ENOSF1: variants seen among roughly 807,000 people sequenced by gnomAD.
The protein encoded by ENOSF1 is enolase superfamily member 1.
A neutral mutation model predicts 68.2 loss-of-function variants in ENOSF1; 73 were observed. That is an observed-to-expected ratio of 1.07 (90% confidence interval 0.89 to 1.30). The LOEUF is 1.30. Among genes scored for constraint, ENOSF1 ranks in the 50% most tolerant of loss-of-function variants. The pLI is 0.00. For missense variants in ENOSF1, 589 were observed against 554.5 expected (o/e 1.06, Z -0.62); for synonymous variants, 223 against 210.4 (o/e 1.06, Z -0.52).
At chr18:669,997 A>C (rs1370923806), downstream of ENOSF1, among the ~76,000 whole-genome samples, 1 of 151,492 alleles carries the variant, frequency 6.6e-6, no homozygotes, top group African/African-American at 2.4e-5. Context: ...CTCTATCAGG[A>C]TATCATAAGT....
chr18:676,490 G>C (rs2847173), intron 14 of ENOSF1, among the ~76,000 whole-genome samples: 35,998 of 152,060 alleles, frequency 0.24, 4,541 homozygotes, highest in Admixed American at 0.27. Flanking sequence ...TTGGCCATAA[G>C]AAGTGCTTGT....
intron 14 of ENOSF1, among the ~76,000 whole-genome samples, chr18:676,578 G>C (rs996092709): frequency 2.0e-5 from 3 of 152,200 alleles, no homozygotes; most frequent in African/African-American, 4.8e-5. Context: ...GCAGCCTGCA[G>C]AACTGTAAGC....
chr18:675,995 G>A (rs1198300919), intron 14 of ENOSF1, among the ~76,000 whole-genome samples: 1 of 152,072 alleles, frequency 6.6e-6, no homozygotes, highest in Non-Finnish European at 1.5e-5. Flanking sequence ...CAAGAACCAA[G>A]ACATCTAAGG....
chr18:699,223 A>G (rs2078063658), intron 2 of ENOSF1, among the ~76,000 whole-genome samples: 1 of 152,078 alleles, frequency 6.6e-6, no homozygotes, highest in Admixed American at 6.6e-5. Flanking sequence ...GCACTTTGGG[A>G]GGCTGAGGTG....
intron 2 of ENOSF1, among the ~76,000 whole-genome samples, chr18:702,005 T>C (rs1389910581): frequency 1.3e-4 from 20 of 151,924 alleles, no homozygotes; most frequent in Non-Finnish European, 1.5e-4. Flanking sequence ...AGCTTATGCC[T>C]GCAATCCCGT....
chr18:702,147 C>T (rs528889487), intron 2 of ENOSF1, among the ~76,000 whole-genome samples: 1 of 151,558 alleles, frequency 6.6e-6, no homozygotes, highest in Admixed American at 6.6e-5. Flanking sequence ...ACCTATAGTC[C>T]CAGCTACCTG....
intron 11 of ENOSF1, among the ~76,000 whole-genome samples, chr18:679,877 A>G (rs537938863): frequency 3.5e-4 from 54 of 152,318 alleles, no homozygotes; most frequent in African/African-American, 1.2e-3. Context: ...AATCACACTG[A>G]CAGCTAACAT....
rs766176336 is a variant in ENOSF1 at position 691,059 on chromosome 18, A to G, written c.535+9T>C. Reference sequence around the variant, plus strand: ...CAAAAACAATGAAGAAAATTTTCTTACAACCCACCTCTTTCTTTTTTACCA... The same window carrying G: ...CAAAAACAATGAAGAAAATTTTCTTGCAACCCACCTCTTTCTTTTTTACCA... On this transcript the variant is annotated intron_variant, in intron 7 of 15. Coordinates refer to ENST00000647584, the MANE Select transcript of ENOSF1 (RefSeq NM_017512.7). The G allele has an allele frequency of 1.2e-6, 2 of 1,614,132 alleles. No individual in the cohort carries two copies. Among genetic ancestry groups the G allele is most frequent in the South Asian group, 1.1e-5 (1 of 91,072 alleles).
intron 1 of ENOSF1, 106 bp downstream of exon 1, chr18:712,397 AT>A: frequency 6.6e-7 from 1 of 1,515,970 alleles, no homozygotes. Flanking sequence ...CGCGCTTACC[AT>A]GGCGTCCGCG....
At chr18:703,678 A>T (rs774052057) in intron 2 of ENOSF1, among the ~76,000 whole-genome samples, 3 of 152,338 alleles carry the variant, frequency 2.0e-5, no homozygotes, top group Non-Finnish European at 4.4e-5. Flanking sequence ...CTCACCTCAA[A>T]GCATTACTTC....
At chr18:688,289 G>A (rs1479214862) in intron 9 of ENOSF1, 1 of 401,554 alleles carries the variant, frequency 2.5e-6, no homozygotes, top group African/African-American at 2.0e-5. Context: ...AATCAACGCT[G>A]TTACTGACAG....
At chr18:697,806 CT>C (rs952733840) in intron 2 of ENOSF1, among the ~76,000 whole-genome samples, 2 of 151,812 alleles carry the variant, frequency 1.3e-5, no homozygotes, top group Non-Finnish European at 2.9e-5. Context: ...CTTTTCTTTT[CT>C]TTTTTAGGCA....
chr18:711,678 C>T (rs1249993399), intron 1 of ENOSF1, among the ~76,000 whole-genome samples: 1 of 152,162 alleles, frequency 6.6e-6, no homozygotes, highest in Non-Finnish European at 1.5e-5. Context: ...TTCTAACACC[C>T]TCAGTAAGCA....
In ENOSF1 at chr18:678,683, G is replaced by T. The variant is rs779372974; in HGVS notation, c.918+13C>A. The T allele has an allele frequency of 4.3e-6, 7 of 1,613,466 alleles. No individual in the cohort carries two copies. In the Admixed American group the frequency reaches 1.2e-4, roughly 27 times the overall value. ...CAAGGGGACGTCATCCACCTGTTGGGGGCGTCACTCACCTGTTCTCCTGTG... is the reference window on the plus strand; with the variant it reads ...CAAGGGGACGTCATCCACCTGTTGGTGGCGTCACTCACCTGTTCTCCTGTG... On this transcript the variant is annotated intron_variant, in intron 12 of 15. Transcript: ENST00000647584.
At position 677,462 on chromosome 18, in the gene ENOSF1, C is replaced by G. The variant is rs1015225204; in HGVS notation, c.1049-18G>C. 20 of 1,606,862 alleles carry G rather than the reference C, an allele frequency of 1.2e-5. No individual in the cohort carries two copies. Among genetic ancestry groups the G allele is most frequent in the Non-Finnish European group, 1.7e-5 (20 of 1,175,964 alleles). On this transcript the variant is annotated intron_variant, in intron 13 of 15. Transcript: ENST00000647584. The stretch of plus-strand genomic sequence containing the variant: ...AACAGGAACTAAAAGGAAATCGTTT[C>G]TATTTAATACCAAGAGTAGGGCAGG...
chr18:712,301 G>T, intron 1 of ENOSF1: 4 of 1,506,476 alleles, frequency 2.7e-6, no homozygotes, highest in South Asian at 2.4e-5. Context: ...AAGCTGCCCG[G>T]GGCCCGCAGA....
At chr18:684,150 C>T (rs1164703277) in intron 10 of ENOSF1, among the ~76,000 whole-genome samples, 11 of 151,978 alleles carry the variant, frequency 7.2e-5, no homozygotes, top group East Asian at 3.9e-4. Flanking sequence ...CCCACCACCA[C>T]ACCAGGCTAT....
At position 671,455 on chromosome 18, in the gene ENOSF1, A is replaced by G; in HGVS notation, c.*2850T>C. 1 of 1,599,426 alleles carries G rather than the reference A, an allele frequency of 6.3e-7. No individual in the cohort carries two copies. The highest frequency in any genetic ancestry group is 1.1e-5 in the South Asian group (1 of 90,110). ...CATCGAGCCACTGAAAATTCAGGTA[A>G]GAATTAGATGTTATACTTTTGGGTT... On this transcript the variant is annotated 3_prime_UTR_variant, in exon 16 of 16. Coordinates refer to ENST00000647584, the MANE Select transcript of ENOSF1 (RefSeq NM_017512.7).
At chr18:694,902 G>C (rs183309816) in intron 3 of ENOSF1, among the ~76,000 whole-genome samples, 1 of 152,010 alleles carries the variant, frequency 6.6e-6, no homozygotes, top group East Asian at 1.9e-4. Flanking sequence ...TTTGAATAAA[G>C]TTGCAAATAT....
Sources: gnomAD v4.1 joint callset for allele counts (sites outside exome capture counted in the v4.1 genomes callset) on GRCh38, gnomAD v4.1.1 for gene constraint, MANE v1.5 for transcripts, NCBI Gene and HGNC (gene_info 2026-07-23, HGNC 2026-07-21) for gene names.